Variants in CYP39A1 observed in about 807,000 individuals in gnomAD.
The protein encoded by CYP39A1 is cytochrome P450 family 39 subfamily A member 1.
Under a neutral mutation model 58.1 loss-of-function variants are expected in CYP39A1, and 49 were observed. The observed-to-expected ratio is 0.84, with a 90% CI of 0.67 to 1.07. The LOEUF is 1.07. Among genes scored for constraint, CYP39A1 ranks in the 50% least tolerant of loss-of-function variants. The probability of loss-of-function intolerance (pLI) is 0.00; values close to 1 mark genes in which losing one functional copy is unlikely to be tolerated. For missense variants in CYP39A1, 531 were observed against 539.4 expected (o/e 0.98, Z 0.16); for synonymous variants, 209 against 187.6 (o/e 1.11, Z -0.93).
At chr6:46,623,291 G>A (rs1246954868) in intron 7 of CYP39A1, among the ~76,000 whole-genome samples, 2 of 152,082 alleles carry the variant, frequency 1.3e-5, no homozygotes, top group Non-Finnish European at 2.9e-5. Context: ...AGGGCAGACT[G>A]CCCTCCTATA....
At chr6:46,620,819 A>G (rs534707101) in intron 7 of CYP39A1, among the ~76,000 whole-genome samples, 1 of 152,302 alleles carries the variant, frequency 6.6e-6, no homozygotes, top group South Asian at 2.1e-4. Flanking sequence ...TTAATACCTG[A>G]TCACTAAATA....
Position 46,639,563 on chromosome 6 carries a change from G to C in CYP39A1, c.419C>G (p.Thr140Ser). 6.2e-7 allele frequency: 1 copy of C among 1,614,098 alleles called. No individual in the cohort carries two copies. Among genetic ancestry groups the C allele is most frequent in the Non-Finnish European group, 8.5e-7 (1 of 1,179,996 alleles). The change falls in exon 3 of 12, where the codon ACT becomes AGT. Residue 140 changes from threonine (T) to serine (S), a missense_variant. By Grantham distance (58) the Thr-to-Ser change is moderately conservative. Coordinates refer to ENST00000275016, the MANE Select transcript of CYP39A1 (RefSeq NM_016593.5). ...CTCCAGTTGTTCATGTAATTCTTCA[G>C]TCAGTTGCCCAGTAAACTGATGGAG... ...VNLHQFTGQLTEELHEQLENL... is the reference protein window; with the variant it reads ...VNLHQFTGQLSEELHEQLENL...
chr6:46,645,416 A>G (rs1762260905), intron 1 of CYP39A1, among the ~76,000 whole-genome samples: 1 of 151,994 alleles, frequency 6.6e-6, no homozygotes, highest in African/African-American at 2.4e-5. Context: ...TTGCTCCATC[A>G]CCATTTGTTT....
At chr6:46,624,916 C>A (rs1174759522) in intron 7 of CYP39A1, among the ~76,000 whole-genome samples, 1 of 152,120 alleles carries the variant, frequency 6.6e-6, no homozygotes, top group Non-Finnish European at 1.5e-5. Context: ...TTCTAACAAC[C>A]ATAAGGGTTT....
Position 46,553,797 on chromosome 6 carries a change from G to C in CYP39A1, c.1308C>G (p.Asp436Glu). ...MCIILILYKY[D>E]CSLLDPLPKQ... ...TGGGTAATGGGTCCAGAAGACTACA[G>C]TCATATTTATAAAGTATTAAAATAA... The change falls in exon 11 of 12, where the codon GAC (aspartate) becomes GAG (glutamate). Residue 436 changes from aspartate (D) to glutamate (E), a missense_variant. Transcript: ENST00000275016. The C allele has an allele frequency of 6.2e-7, 1 of 1,611,094 alleles. No homozygotes were observed.
chr6:46,624,478 T>C (rs1775177855), intron 7 of CYP39A1, among the ~76,000 whole-genome samples: 1 of 152,122 alleles, frequency 6.6e-6, no homozygotes, highest in Non-Finnish European at 1.5e-5. Context: ...TGCTGACGCA[T>C]ACTCAAGGCT....
rs754216859 is a variant in CYP39A1, at chr6:46,611,566, A to G, written c.931+13852T>C. Among the ~76,000 whole-genome samples, 8 of 152,372 alleles carry G rather than the reference A, an allele frequency of 5.3e-5. No individual in the cohort carries two copies. The South Asian group carries it at 8.3e-4, about 16-fold the overall frequency. ...AACCATATAAGATTCTACTCTGAAA[A>G]ATAATATTTGGTGTTATTTTAAGAA... On this transcript the variant is annotated intron_variant, in intron 7 of 11. Coordinates refer to ENST00000275016, the MANE Select transcript of CYP39A1 (RefSeq NM_016593.5).
rs1441874919 is a variant in CYP39A1, at chr6:46,568,959, C to A, written c.1251-15105G>T. ...CATCATTGCGATTACATTGAATCTGCAGACTTCTTTGGGTAGCACTGGCAT... is the reference window on the plus strand; with the variant it reads ...CATCATTGCGATTACATTGAATCTGAAGACTTCTTTGGGTAGCACTGGCAT... On this transcript the variant is annotated intron_variant, in intron 10 of 11. Coordinates refer to ENST00000275016, the MANE Select transcript of CYP39A1 (RefSeq NM_016593.5). Among the ~76,000 whole-genome samples, 4 of 151,706 alleles carry A rather than the reference C, an allele frequency of 2.6e-5. No homozygotes were observed. In the East Asian group the frequency reaches 7.7e-4, roughly 29 times the overall value.
chr6:46,642,987 C>T (rs980504179), intron 1 of CYP39A1, among the ~76,000 whole-genome samples: 1 of 152,156 alleles, frequency 6.6e-6, no homozygotes, highest in Admixed American at 6.6e-5. Context: ...AATGTCAACA[C>T]TTCTCCATTT....
At chr6:46,581,425 GAGAC>G (rs1025958414) in intron 10 of CYP39A1, among the ~76,000 whole-genome samples, 1 of 150,658 alleles carries the variant, frequency 6.6e-6, no homozygotes, top group African/African-American at 2.4e-5. Context: ...AAAAAAGAGA[GAGAC>G]AGAGAAAAGA....
At chr6:46,647,744 T>C (rs1332025138) in intron 1 of CYP39A1, among the ~76,000 whole-genome samples, 1 of 152,246 alleles carries the variant, frequency 6.6e-6, no homozygotes, top group African/African-American at 2.4e-5. Context: ...ATGAGCATTT[T>C]TTCATCTGTC....
intron 4 of CYP39A1, 106 bp from the exon 5 acceptor site, chr6:46,636,588 A>G (rs1184310492): frequency 1.1e-5 from 8 of 698,672 alleles, no homozygotes; most frequent in Non-Finnish European, 1.9e-5. Flanking sequence ...AGTTCTCCAA[A>G]TTTATTCTTC....
At chr6:46,603,310 G>A (rs1246346247) in intron 7 of CYP39A1, among the ~76,000 whole-genome samples, 1 of 152,204 alleles carries the variant, frequency 6.6e-6, no homozygotes, top group Non-Finnish European at 1.5e-5. Flanking sequence ...GCTACAGATA[G>A]AAGGCCAGAG....
At chr6:46,554,033 T>C (rs1396701791) in intron 10 of CYP39A1, among the ~76,000 whole-genome samples, 179 bp from the exon 11 acceptor site, 4 of 152,126 alleles carry the variant, frequency 2.6e-5, no homozygotes, top group African/African-American at 9.7e-5. Flanking sequence ...ACCTACTCCA[T>C]AGGGTAGCGG....
rs772402669 is a variant in CYP39A1, at chr6:46,652,617, G to A, written c.-35C>T. The A allele has an allele frequency of 1.4e-5, 21 of 1,547,154 alleles. No homozygotes were observed. The highest frequency in any genetic ancestry group is 1.7e-5 in the Non-Finnish European group (20 of 1,146,706). On this transcript the variant is annotated 5_prime_UTR_variant, in exon 1 of 12. Coordinates refer to ENST00000275016, the MANE Select transcript of CYP39A1 (RefSeq NM_016593.5). ...CAGCACCTTCCAGAAGCAGAAAAGT[G>A]TGAAACAGTCCTGCCGTCCCTTGCT...
At chr6:46,651,986 C>G (rs754011158) in intron 1 of CYP39A1, among the ~76,000 whole-genome samples, 3 of 152,150 alleles carry the variant, frequency 2.0e-5, no homozygotes, top group Non-Finnish European at 4.4e-5. Context: ...TTATTGTGTA[C>G]GGACCAACTG....
chr6:46,626,442 T>C (rs940949972), intron 6 of CYP39A1, among the ~76,000 whole-genome samples: 6 of 152,196 alleles, frequency 3.9e-5, no homozygotes, highest in Admixed American at 3.3e-4. Context: ...GTCTCTTTTG[T>C]GAGGTAACAT....
intron 10 of CYP39A1, among the ~76,000 whole-genome samples, chr6:46,568,920 C>CA (rs60393624): frequency 0.31 from 45,469 of 148,420 alleles, 7,280 homozygotes; most frequent in African/African-American, 0.39. Flanking sequence ...CTATTTCTGC[C>CA]AAAAAAAAAA....
chr6:46,581,994 A>G (rs923071393), intron 10 of CYP39A1, among the ~76,000 whole-genome samples: 1 of 152,318 alleles, frequency 6.6e-6, no homozygotes, highest in Non-Finnish European at 1.5e-5. Context: ...CTAAAAATCA[A>G]TAAGGATTCT....
Sources: allele counts gnomAD v4.1 joint callset (sites outside exome capture counted in the v4.1 genomes callset), GRCh38; gene constraint gnomAD v4.1.1; transcripts MANE v1.5; gene names NCBI Gene and HGNC (gene_info 2026-07-23, HGNC 2026-07-21).